Variants in RPAP1 observed in about 807,000 individuals in gnomAD.
RPAP1 encodes RNA polymerase II associated protein 1.
A neutral mutation model predicts 142.4 loss-of-function variants in RPAP1; 109 were observed. That is an observed-to-expected ratio of 0.77 (90% CI 0.66 to 0.90). RPAP1 has a LOEUF of 0.90. RPAP1 is among the 40% of genes least tolerant of loss of function. RPAP1 has a pLI of 0.00. For synonymous variants in RPAP1, 704 were observed against 738.9 expected, an observed-to-expected ratio of 0.95 and a Z score of 0.77; for missense variants, 1,546 against 1,751.7, an observed-to-expected ratio of 0.88 and a Z score of 2.10.
At chr15:41,532,572 C>G (rs900044874) in intron 6 of RPAP1, among the ~76,000 whole-genome samples, 1 of 152,078 alleles carries the variant, frequency 6.6e-6, no homozygotes, top group Non-Finnish European at 1.5e-5. Context: ...TAGCATAGAA[C>G]AGTATCACAG....
intron 22 of RPAP1, chr15:41,520,061 G>A (rs2051707690): frequency 3.4e-6 from 1 of 296,706 alleles, no homozygotes; most frequent in Non-Finnish European, 6.5e-6. Context: ...AGCCTCCTGA[G>A]TAGCTGGGAC....
At chr15:41,539,567 A>G (rs973986345) in intron 1 of RPAP1, among the ~76,000 whole-genome samples, 2 of 150,272 alleles carry the variant, frequency 1.3e-5, no homozygotes, top group Non-Finnish European at 3.0e-5. Flanking sequence ...AAGTGCTGGG[A>G]TTACAGGCGT....
intron 22 of RPAP1, 155 bp downstream of exon 22, chr15:41,520,236 T>C (rs556655736): frequency 8.7e-6 from 7 of 808,048 alleles, no homozygotes; most frequent in African/African-American, 1.7e-5. Flanking sequence ...ACCCAGCCCA[T>C]GTTAAGCCCT....
At position 41,527,310 on chromosome 15, in the gene RPAP1, T is replaced by C. The variant is rs2051803013; in HGVS notation, c.1612-9A>G. 6.2e-7 allele frequency: 1 copy of C among 1,613,874 alleles called. No homozygotes were observed. Among genetic ancestry groups the C allele is most frequent in the Admixed American group, 1.7e-5 (1 of 59,994 alleles). On this transcript the variant is annotated splice_polypyrimidine_tract_variant and intron_variant, in intron 12 of 24. Transcript: ENST00000304330. ...CTGGTAGCCAGGAGCCCCTGGGAGT[T>C]GGAGAGAGAAACCCACTGACAAATG...
chr15:41,523,659 A>G, intron 17 of RPAP1, 112 bp downstream of exon 17: 1 of 924,400 alleles, frequency 1.1e-6, no homozygotes, highest in Non-Finnish European at 1.7e-6. Context: ...AAGGGAAGAT[A>G]GTAAATGGGG....
rs2051918858 is a variant in RPAP1 at position 41,537,046 on chromosome 15, G to A, written c.80C>T (p.Ala27Val). The stretch of plus-strand genomic sequence containing the variant: ...TTTCTTCACCAACTGCACTGCTGGG[G>A]CTGCACCAGCTGCGAGAAACTGACT... ...FQSQFLAAGA[A>V]PAVQLVKKGN... is the part of the protein sequence containing the mutation. Residue 27 changes from alanine to valine, a missense_variant, in exon 2 of 25, where the codon GCC (alanine) becomes GTC (valine). Physicochemically the swap from Ala to Val is moderately conservative, Grantham distance 64 (BLOSUM62 0). This residue lies in a region of RPAP1 where 1,333 missense variants were observed against 1,486.6 expected (regional missense o/e 0.90). Coordinates refer to ENST00000304330, the MANE Select transcript of RPAP1 (RefSeq NM_015540.4). The A allele has an allele frequency of 1.2e-6, 2 of 1,614,004 alleles. No homozygotes were observed. The highest frequency in any genetic ancestry group is 2.7e-5 in the African/African-American group (2 of 75,014).
At chr15:41,523,461 T>G in intron 17 of RPAP1, 107 bp from the exon 18 acceptor site, 1 of 734,878 alleles carries the variant, frequency 1.4e-6, no homozygotes, top group South Asian at 1.9e-5. Context: ...AGAGCACATT[T>G]GGAGGCTTCT....
intron 22 of RPAP1, 178 bp downstream of exon 22, chr15:41,520,213 C>T (rs943246635): frequency 3.5e-5 from 24 of 685,670 alleles, no homozygotes; most frequent in Middle Eastern, 2.5e-4. Context: ...GAATTACAGG[C>T]GTGAGCCACC....
rs1165138024 is a variant in RPAP1 at position 41,531,249 on chromosome 15, T to C, written c.764-47A>G. On this transcript the variant is annotated intron_variant, in intron 6 of 24. Transcript: ENST00000304330. Reference sequence around the variant, plus strand: ...AGAGTGAGTGAGGGTAGATCCTCCCTGGCCTCCTACAGACCTGGAACCCGC... The same window carrying C: ...AGAGTGAGTGAGGGTAGATCCTCCCCGGCCTCCTACAGACCTGGAACCCGC... 13 of 1,559,436 alleles carry C rather than the reference T, an allele frequency of 8.3e-6. No individual in the cohort carries two copies. In the South Asian group the frequency reaches 1.5e-4, roughly 18 times the overall value.
At chr15:41,523,142 G>A (rs2051748334) in intron 18 of RPAP1, 103 bp downstream of exon 18, 1 of 1,003,160 alleles carries the variant, frequency 1.0e-6, no homozygotes, top group Non-Finnish European at 1.5e-6. Flanking sequence ...TCGGGCCGAG[G>A]GCCTGCACCC....
At chr15:41,542,274 A>G (rs1337531940) in intron 1 of RPAP1, among the ~76,000 whole-genome samples, 1 of 152,228 alleles carries the variant, frequency 6.6e-6, no homozygotes, top group Non-Finnish European at 1.5e-5. Context: ...CCTTTGGTCA[A>G]TGATGTACCC....
chr15:41,522,404 T>C (rs1459038924), intron 19 of RPAP1, 154 bp from the exon 20 acceptor site: 5 of 739,506 alleles, frequency 6.8e-6, no homozygotes, highest in East Asian at 2.7e-5. Flanking sequence ...TTTTGGTTTT[T>C]TTTGAGATGG....
chr15:41,538,247 A>G (rs895329839), intron 1 of RPAP1, among the ~76,000 whole-genome samples: 2 of 152,160 alleles, frequency 1.3e-5, no homozygotes, highest in Non-Finnish European at 2.9e-5. Context: ...TGTCAAAAAA[A>G]CAAAACAAAA....
At position 41,520,855 on chromosome 15, in the gene RPAP1, G is replaced by A. The variant is rs1477635123; in HGVS notation, c.3331C>T (p.His1111Tyr). 6.2e-7 allele frequency: 1 copy of A among 1,613,786 alleles called. No homozygotes were observed. Among genetic ancestry groups the A allele is most frequent in the Admixed American group, 1.7e-5 (1 of 60,008 alleles). Residue 1111 changes from histidine (H) to tyrosine (Y), a missense_variant, in exon 22 of 25, where the codon CAC (histidine) becomes TAC (tyrosine). Physicochemically the swap from His to Tyr is moderately conservative, Grantham distance 83. Around this residue, in one of 3 missense-constraint regions of RPAP1, gnomAD observed 1,333 missense variants for 1,486.6 expected, o/e 0.90. Transcript: ENST00000304330. ...CCCGAGGGGGTGTCTGAAGCCCGGTGGTAGAGGCGAATCAGTGGCAGGAAG... is the reference window on the plus strand; with the variant it reads ...CCCGAGGGGGTGTCTGAAGCCCGGTAGTAGAGGCGAATCAGTGGCAGGAAG... ...WPFLPLIRLY[H>Y]RASDTPSGLS...
At chr15:41,542,043 G>A (rs1295449687) in intron 1 of RPAP1, among the ~76,000 whole-genome samples, 1 of 152,136 alleles carries the variant, frequency 6.6e-6, no homozygotes, top group Non-Finnish European at 1.5e-5. Context: ...TTTTTTGAGA[G>A]TTTACTCTGG....
chr15:41,529,822 C>T (rs1478175762), intron 8 of RPAP1, 42 bp downstream of exon 8: 4 of 1,425,584 alleles, frequency 2.8e-6, no homozygotes, highest in Non-Finnish European at 3.9e-6. Context: ...CCTCTCCTGC[C>T]CTATCTCACC....
At chr15:41,541,463 T>C (rs1045963120) in intron 1 of RPAP1, among the ~76,000 whole-genome samples, 4 of 142,730 alleles carry the variant, frequency 2.8e-5, no homozygotes, top group Non-Finnish European at 4.6e-5. Context: ...ATATGGTACA[T>C]GGGAGAACAT....
At chr15:41,529,384 C>G (rs1038293189) in intron 9 of RPAP1, 86 bp downstream of exon 9, 5 of 859,982 alleles carry the variant, frequency 5.8e-6, no homozygotes, top group Non-Finnish European at 9.5e-6. Context: ...ACAGGGCACA[C>G]AGAAGGTCAA....
In RPAP1 at chr15:41,517,556, C is replaced by A; in HGVS notation, c.4168G>T (p.Val1390Leu). 2 of 1,569,584 alleles carry A rather than the reference C, an allele frequency of 1.3e-6. No individual in the cohort carries two copies. Among genetic ancestry groups the A allele is most frequent in the Non-Finnish European group, 8.6e-7 (1 of 1,158,264 alleles). The change falls in exon 25 of 25, where the codon GTA becomes TTA. Residue 1390 changes from valine (V) to leucine (L), a missense_variant. By Grantham distance (32) the Val-to-Leu change is conservative. Around this residue, in one of 3 missense-constraint regions of RPAP1, gnomAD observed 210 missense variants for 248.0 expected, o/e 0.85. Coordinates refer to ENST00000304330, the MANE Select transcript of RPAP1 (RefSeq NM_015540.4). Reference protein sequence around the residue: ...RLTSTVLQNGVSET With the variant: ...RLTSTVLQNGLSET ...TATCAACTATCCTAGGTCTCTGATA[C>A]CCCATTTTGGAGCACTGTTGAAGTC...
Sources: gnomAD v4.1 joint callset for allele counts (sites outside exome capture counted in the v4.1 genomes callset) on GRCh38, gnomAD v4.1.1 for gene constraint, gnomAD v4.1.1 regional missense constraint, MANE v1.5 for transcripts, NCBI Gene and HGNC (gene_info 2026-07-23, HGNC 2026-07-21) for gene names.